GSKIP: variants seen among roughly 807,000 people sequenced by gnomAD.
GSKIP encodes the protein GSK3B-interacting protein.
GSKIP carries 5 observed loss-of-function variants against 11.9 expected under a neutral mutation model. The ratio of observed to expected loss-of-function variants is 0.42; its 90% CI spans 0.22 to 0.89. The LOEUF (loss-of-function observed/expected upper bound fraction) is 0.89. Among genes scored for constraint, GSKIP ranks in the 40% least tolerant of loss-of-function variants. The pLI is 0.29. For missense variants in GSKIP, 150 were observed against 166.6 expected, an observed-to-expected ratio of 0.90 and a Z score of 0.55; for synonymous variants, 70 against 62.9, an observed-to-expected ratio of 1.11 and a Z score of -0.54.
chr14:96,369,061 G>A (rs1318019468), intron 1 of GSKIP, among the ~76,000 whole-genome samples: 1 of 152,128 alleles, frequency 6.6e-6, no homozygotes, highest in African/African-American at 2.4e-5. Flanking sequence ...ATGGAAATGA[G>A]GATCTTATTG....
At chr14:96,373,229 CAAA>C (rs57931398) in intron 1 of GSKIP, among the ~76,000 whole-genome samples, 86 of 82,808 alleles carry the variant, frequency 1.0e-3, no homozygotes, top group African/African-American at 3.8e-3. Flanking sequence ...GACTCTGTCT[CAAA>C]AAAAAAAAAA....
At chr14:96,364,911 C>T (rs926613900) in intron 1 of GSKIP, 1 of 152,238 alleles carries the variant, frequency 6.6e-6, no homozygotes, top group Non-Finnish European at 1.5e-5. Context: ...CATAGAGTGC[C>T]TGCAATTTCA....
In GSKIP at chr14:96,383,972, T is replaced by G. The variant is rs148844232; in HGVS notation, c.258+1467T>G. On this transcript the variant is annotated intron_variant, in intron 3 of 3. Coordinates refer to ENST00000555181, the MANE Select transcript of GSKIP (RefSeq NM_016472.5). ...AGTTCTGATCAGAGAGTCAGCAGTC[T>G]TAAATGTGAATTTAAGTGATCTTGA... Among the ~76,000 whole-genome samples the G allele has an allele frequency of 4.4e-3, 674 of 152,244 alleles. 26 individuals are homozygous for G. In the South Asian group the frequency reaches 0.067, roughly 15 times the overall value.
intron 1 of GSKIP, among the ~76,000 whole-genome samples, chr14:96,376,108 G>T (rs1889196375): frequency 6.6e-6 from 1 of 152,162 alleles, no homozygotes. Flanking sequence ...ATTAAAAGAG[G>T]TTGCCAGATG....
chr14:96,378,984 C>G (rs1889274762), intron 1 of GSKIP: 1 of 152,230 alleles, frequency 6.6e-6, no homozygotes, highest in Non-Finnish European at 1.5e-5. Context: ...CTACTTGGAA[C>G]AGCTTGAGCT....
intron 1 of GSKIP, among the ~76,000 whole-genome samples, chr14:96,368,601 T>A (rs1019090263): frequency 6.6e-6 from 1 of 152,212 alleles, no homozygotes; most frequent in Non-Finnish European, 1.5e-5. Context: ...AAGCCTCATG[T>A]TGAAATTTGA....
chr14:96,383,212 C>G lies in GSKIP; in HGVS notation c.258+707C>G, dbSNP rs147735502. 4.0e-3 allele frequency among the ~76,000 whole-genome samples: 613 copies of G among 152,222 alleles called. 22 individuals are homozygous for G. In the South Asian group the frequency reaches 0.059, roughly 15 times the overall value. On this transcript the variant is annotated intron_variant, in intron 3 of 3. Transcript: ENST00000555181. ...ATCATTTTAGAGCAGAAGTTCAAGACCAGCCTGGGCAGCATAGCAAGACCG... is the reference window on the plus strand; with the variant it reads ...ATCATTTTAGAGCAGAAGTTCAAGAGCAGCCTGGGCAGCATAGCAAGACCG...
At chr14:96,383,680 A>T (rs1889410582) in intron 3 of GSKIP, among the ~76,000 whole-genome samples, 1 of 152,230 alleles carries the variant, frequency 6.6e-6, no homozygotes. Context: ...TATACTGTAT[A>T]TTCCTTGATG....
intron 3 of GSKIP, 80 bp downstream of exon 3, chr14:96,382,585 AAG>A: frequency 9.5e-7 from 1 of 1,048,746 alleles, no homozygotes; most frequent in Non-Finnish European, 1.4e-6. Context: ...TGGGGAGGGG[AAG>A]AGTGTTAAAA....
At chr14:96,378,277 C>CT (rs1889255730) in intron 1 of GSKIP, among the ~76,000 whole-genome samples, 1 of 152,104 alleles carries the variant, frequency 6.6e-6, no homozygotes, top group African/African-American at 2.4e-5. Context: ...TCATTTGAGC[C>CT]TGAGATTGTG....
At position 96,386,961 on chromosome 14, in the gene GSKIP, T is replaced by C. The variant is rs1889507318; in HGVS notation, c.*1277T>C. ...ATTTGCAGATATTTTTCCATCATTA[T>C]TAAAAAACAGGAACTTTTAGGCTCT... On this transcript the variant is annotated 3_prime_UTR_variant, in exon 4 of 4. Transcript: ENST00000555181. 6.6e-6 allele frequency: 1 copy of C among 152,364 alleles called. No individual in the cohort carries two copies. Among genetic ancestry groups the C allele is most frequent in the Non-Finnish European group, 1.5e-5 (1 of 68,034 alleles). 9.4% of individuals were successfully genotyped at this position (152,364 alleles called of 1,614,324 possible).
At chr14:96,374,611 TC>T (rs1204782929) in intron 1 of GSKIP, among the ~76,000 whole-genome samples, 1 of 152,172 alleles carries the variant, frequency 6.6e-6, no homozygotes, top group African/African-American at 2.4e-5. Context: ...AAGCAGTTCT[TC>T]CACCTTAGAC....
intron 1 of GSKIP, among the ~76,000 whole-genome samples, chr14:96,368,708 G>GTATA (rs1239799073): frequency 1.3e-5 from 2 of 151,964 alleles, no homozygotes; most frequent in Non-Finnish European, 2.9e-5. Context: ...CTGTATATCT[G>GTATA]TCTCCCTCCC....
intron 3 of GSKIP, among the ~76,000 whole-genome samples, chr14:96,383,081 A>G (rs948805788): frequency 1.3e-5 from 2 of 152,176 alleles, no homozygotes; most frequent in African/African-American, 4.8e-5. Context: ...AGAATAGTAG[A>G]AAACATCACC....
At chr14:96,368,803 C>T (rs1292487402) in intron 1 of GSKIP, among the ~76,000 whole-genome samples, 1 of 152,116 alleles carries the variant, frequency 6.6e-6, no homozygotes, top group Non-Finnish European at 1.5e-5. Context: ...CCCAGCTCCC[C>T]TTCTGTCATG....
At chr14:96,384,256 C>G (rs1352575165) in intron 3 of GSKIP, among the ~76,000 whole-genome samples, 1 of 152,008 alleles carries the variant, frequency 6.6e-6, no homozygotes, top group Admixed American at 6.6e-5. Context: ...CCCTGTCCAC[C>G]AGGAAGATCA....
intron 1 of GSKIP, among the ~76,000 whole-genome samples, chr14:96,367,944 A>G (rs573690346): frequency 1.3e-5 from 2 of 152,356 alleles, no homozygotes; most frequent in South Asian, 4.1e-4. Flanking sequence ...TGGAGTTTAA[A>G]TGGAAAGCAG....
At chr14:96,381,816 T>C (rs1218452497) in intron 2 of GSKIP, among the ~76,000 whole-genome samples, 1 of 152,214 alleles carries the variant, frequency 6.6e-6, no homozygotes, top group Non-Finnish European at 1.5e-5. Flanking sequence ...TTTTTTTGTT[T>C]TTTTGAAGGG....
intron 1 of GSKIP, among the ~76,000 whole-genome samples, chr14:96,365,665 T>A (rs922410669): frequency 6.6e-6 from 1 of 151,798 alleles, no homozygotes; most frequent in East Asian, 1.9e-4. Flanking sequence ...ACCCTGTCTT[T>A]ACCAAAAATA....
Sources: allele counts gnomAD v4.1 joint callset (sites outside exome capture counted in the v4.1 genomes callset), GRCh38; gene constraint gnomAD v4.1.1; transcripts MANE v1.5; gene names NCBI Gene and HGNC (gene_info 2026-07-23, HGNC 2026-07-21).